SMC1B: variants seen among roughly 807,000 people sequenced by gnomAD.
The protein encoded by SMC1B is structural maintenance of chromosomes protein 1B.
SMC1B carries 60 observed loss-of-function variants against 157.9 expected under a neutral mutation model. The observed-to-expected ratio is 0.38, with a 90% CI of 0.31 to 0.47. SMC1B has a LOEUF of 0.47. Ranked by LOEUF, SMC1B falls within the 20% of genes least tolerant of loss-of-function variation. SMC1B has a pLI of 0.99. For synonymous variants in SMC1B, 445 were observed against 483.0 expected (o/e 0.92, Z 1.03); for missense variants, 1,165 against 1,426.2 (o/e 0.82, Z 2.95).
chr22:45,371,273 T>A (rs904174640), intron 14 of SMC1B, among the ~76,000 whole-genome samples, 198 bp downstream of exon 14: 6 of 152,166 alleles, frequency 3.9e-5, no homozygotes, highest in Non-Finnish European at 7.4e-5. Context: ...CATTGTCTCT[T>A]GAGGTGAGCA....
At chr22:45,394,293 C>G (rs2087097009) in intron 8 of SMC1B, among the ~76,000 whole-genome samples, 1 of 151,994 alleles carries the variant, frequency 6.6e-6, no homozygotes, top group South Asian at 2.1e-4. Context: ...CAACTGCACT[C>G]CAGTCTGGGT....
chr22:45,393,554 T>C lies in SMC1B; in HGVS notation c.1545+80A>G, dbSNP rs926961119. On this transcript the variant is annotated intron_variant, in intron 9 of 24. Transcript: ENST00000357450. ...TTTGTAATAATGGTAATATTTCTAA[T>C]CCCAAATGAGAAGATACTGTTGAAA... 21 of 1,033,050 alleles carry C rather than the reference T, an allele frequency of 2.0e-5. No homozygotes were observed. The African/African-American group carries it at 3.2e-4, about 16-fold the overall frequency. The allele number at this position is 1,033,050 out of a possible 1,614,324, so 64.0% of individuals were successfully genotyped here. A position where few individuals can be genotyped will look rare whatever the true frequency, so the allele number is the denominator to read the frequency against.
intron 10 of SMC1B, 68 bp downstream of exon 10, chr22:45,389,644 C>T: frequency 7.2e-7 from 1 of 1,392,422 alleles, no homozygotes; most frequent in Non-Finnish European, 9.9e-7. Context: ...TAGTTTTAGG[C>T]AATAAGATCA....
intron 1 of SMC1B, among the ~76,000 whole-genome samples, chr22:45,409,253 C>T (rs6007023): frequency 0.48 from 73,408 of 151,980 alleles, 20,429 homozygotes; most frequent in African/African-American, 0.77. Context: ...AGCACCAAAT[C>T]CTCTTATACT....
At chr22:45,393,539 T>C (rs1569193244) in intron 9 of SMC1B, 95 bp downstream of exon 9, 1 of 871,256 alleles carries the variant, frequency 1.1e-6, no homozygotes, top group Non-Finnish European at 1.8e-6. Context: ...TTTGTAATAA[T>C]GGTAATATTT....
At chr22:45,388,992 AAAAAAAAAAAAAGAAAAAG>A (rs1483110861) in intron 10 of SMC1B, among the ~76,000 whole-genome samples, 2 of 145,872 alleles carry the variant, frequency 1.4e-5, no homozygotes, top group East Asian at 3.9e-4. Context: ...GCCTCAAAAA[AAAAAAAAAAAAAGAAAAAG>A]AAAAAAGAAA....
At chr22:45,411,014 T>A (rs1037985868) in intron 1 of SMC1B, among the ~76,000 whole-genome samples, 3 of 152,196 alleles carry the variant, frequency 2.0e-5, no homozygotes, top group Non-Finnish European at 2.9e-5. Flanking sequence ...GTAACAAAAC[T>A]AAACATAAAC....
chr22:45,394,777 G>T lies in SMC1B; in HGVS notation c.1255-10C>A. 1 of 1,512,706 alleles carries T rather than the reference G, an allele frequency of 6.6e-7. No homozygotes were observed. The highest frequency in any genetic ancestry group is 1.2e-5 in the South Asian group (1 of 80,020). 93.7% of individuals were successfully genotyped at this position (1,512,706 alleles called of 1,614,324 possible). ...TTTGTTTTAGATTTCCCTAAAAGAG[G>T]AAATAAAATCTAAAATCAATTACGG... is the stretch of plus-strand genomic sequence containing the variant. On this transcript the variant is annotated splice_polypyrimidine_tract_variant and intron_variant, in intron 7 of 24. Coordinates refer to ENST00000357450, the MANE Select transcript of SMC1B (RefSeq NM_148674.5).
intron 7 of SMC1B, 100 bp from the exon 8 acceptor site, chr22:45,394,867 T>C: frequency 8.5e-7 from 1 of 1,182,326 alleles, no homozygotes; most frequent in Non-Finnish European, 1.1e-6. Flanking sequence ...GTTATAAAAT[T>C]GAAAGATATC....
chr22:45,389,932 T>C (rs930631820), intron 9 of SMC1B, 35 bp from the exon 10 acceptor site: 4 of 1,521,898 alleles, frequency 2.6e-6, no homozygotes, highest in Non-Finnish European at 3.6e-6. Flanking sequence ...GAAAAACAGA[T>C]ATATTAGAGT....
chr22:45,405,586 T>G (rs919970422), intron 4 of SMC1B, among the ~76,000 whole-genome samples: 2 of 151,938 alleles, frequency 1.3e-5, no homozygotes, highest in East Asian at 3.9e-4. Flanking sequence ...ACTGGAAGGT[T>G]TTATGCATGG....
chr22:45,407,818 T>C (rs1291927806), intron 2 of SMC1B, among the ~76,000 whole-genome samples: 2 of 152,284 alleles, frequency 1.3e-5, no homozygotes, highest in East Asian at 3.9e-4. Context: ...CCTCTACCCC[T>C]GTCACATGTG....
chr22:45,391,864 C>G (rs2087062274), intron 9 of SMC1B, among the ~76,000 whole-genome samples: 1 of 152,116 alleles, frequency 6.6e-6, no homozygotes, highest in Non-Finnish European at 1.5e-5. Flanking sequence ...TTCAAAATGG[C>G]CTCTCAATTT....
chr22:45,398,712 C>A (rs2146840662), intron 6 of SMC1B, among the ~76,000 whole-genome samples: 1 of 152,224 alleles, frequency 6.6e-6, no homozygotes, highest in East Asian at 1.9e-4. Flanking sequence ...GCCTGTAATC[C>A]CAGCTACTCA....
intron 24 of SMC1B, 25 bp from the exon 25 acceptor site, chr22:45,344,682 A>G (rs1250139888): frequency 6.5e-7 from 1 of 1,527,180 alleles, no homozygotes; most frequent in African/African-American, 1.4e-5. Context: ...AGACAGTTAA[A>G]AGTTCCCCTA....
chr22:45,395,959 T>G (rs779213798), intron 7 of SMC1B, among the ~76,000 whole-genome samples: 6 of 152,208 alleles, frequency 3.9e-5, no homozygotes, highest in Non-Finnish European at 8.8e-5. Context: ...GCGGTGTTGG[T>G]AACTCTAGAT....
In SMC1B at chr22:45,397,481, CA is replaced by C. The variant is rs531116409; in HGVS notation, c.1114-996del. ...AGGAGACAGACAAATCCTAGACAGA[CA>C]GGGGTGGGTCCCCAGTGAAACCTGA... On this transcript the variant is annotated intron_variant, in intron 6 of 24. Coordinates refer to ENST00000357450, the MANE Select transcript of SMC1B (RefSeq NM_148674.5). Among the ~76,000 whole-genome samples, 4 of 152,320 alleles carry C rather than the reference CA, an allele frequency of 2.6e-5. No homozygotes were observed. In the East Asian group the frequency reaches 7.7e-4, roughly 29 times the overall value.
intron 4 of SMC1B, among the ~76,000 whole-genome samples, chr22:45,403,480 GT>G (rs1486157512): frequency 7.3e-5 from 11 of 150,576 alleles, no homozygotes; most frequent in Admixed American, 6.6e-4. Context: ...TTGAAACAGA[GT>G]TTTGCTCTCT....
intron 21 of SMC1B, among the ~76,000 whole-genome samples, chr22:45,353,602 C>A (rs548264516): frequency 1.3e-3 from 196 of 152,164 alleles, no homozygotes; most frequent in African/African-American, 4.7e-3. Context: ...GAACCATCTT[C>A]CCAGGATCCT....
Sources: allele counts gnomAD v4.1 joint callset (sites outside exome capture counted in the v4.1 genomes callset), GRCh38; gene constraint gnomAD v4.1.1; transcripts MANE v1.5; gene names NCBI Gene and HGNC (gene_info 2026-07-23, HGNC 2026-07-21).